PHKB: variants seen among roughly 807,000 people sequenced by gnomAD.
PHKB encodes phosphorylase b kinase regulatory subunit beta.
A neutral mutation model predicts 152.1 loss-of-function variants in PHKB; 122 were observed. The observed-to-expected ratio is 0.80, with a 90% CI of 0.69 to 0.93. The LOEUF (loss-of-function observed/expected upper bound fraction) is 0.93. PHKB is among the 40% of genes least tolerant of loss of function. PHKB has a pLI of 0.00. For synonymous variants in PHKB, 436 were observed against 464.9 expected (o/e 0.94, Z 0.80); for missense variants, 1,304 against 1,328.4 (o/e 0.98, Z 0.29).
At chr16:47,548,242 C>T (rs1408695718) in intron 7 of PHKB, 1 of 152,090 alleles carries the variant, frequency 6.6e-6, no homozygotes, top group East Asian at 1.9e-4. Context: ...CCATGTTGCA[C>T]TAAAAGATGT....
At chr16:47,584,765 G>C (rs920101889) in intron 8 of PHKB, among the ~76,000 whole-genome samples, 3 of 152,208 alleles carry the variant, frequency 2.0e-5, no homozygotes, top group African/African-American at 7.2e-5. Context: ...AGAATGTGAA[G>C]ATCATGTACG....
Position 47,650,816 on chromosome 16 carries a change from A to G in PHKB, c.1881-15A>G. 6.3e-7 allele frequency: 1 copy of G among 1,584,258 alleles called. No individual in the cohort carries two copies. The highest frequency in any genetic ancestry group is 8.7e-7 in the Non-Finnish European group (1 of 1,153,298). ...TGTTGTTAATCTGTACATTTTGTTT[A>G]TTTATATTTTTTAGAGGTAGCCGGT... On this transcript the variant is annotated splice_polypyrimidine_tract_variant and intron_variant, in intron 19 of 30. Coordinates refer to ENST00000323584, the MANE Select transcript of PHKB (RefSeq NM_000293.3).
At chr16:47,566,828 C>A in intron 7 of PHKB, 1 of 722,852 alleles carries the variant, frequency 1.4e-6, no homozygotes, top group East Asian at 2.6e-5. Flanking sequence ...TCCCTCCATC[C>A]TCAGCCAGAG....
intron 10 of PHKB, chr16:47,590,264 A>G (rs1044051776): frequency 8.0e-5 from 12 of 150,146 alleles, no homozygotes; most frequent in African/African-American, 2.2e-4. Flanking sequence ...TAGACAAGCT[A>G]TTTATCATTT....
rs769525884 is a variant in PHKB at position 47,588,975 on chromosome 16, G to C, written c.941G>C (p.Ser314Thr). The change falls in exon 10 of 31, where the codon AGC (serine) becomes ACC (threonine). Residue 314 changes from serine to threonine, a missense_variant. Ser to Thr is a moderately conservative substitution (Grantham distance 58). Transcript: ENST00000323584. ...GCCCTGGATGATGAAGTTCTTTTTA[G>C]CCAGACACTTGATAAAGTGGTTAGA... ...AFALDDEVLF[S>T]QTLDKVVRKL... is the part of the protein sequence containing the mutation. The C allele has an allele frequency of 1.2e-6, 2 of 1,613,916 alleles. No homozygotes were observed. The highest frequency in any genetic ancestry group is 4.5e-5 in the East Asian group (2 of 44,874).
chr16:47,530,332 C>T (rs1015182813), intron 6 of PHKB, among the ~76,000 whole-genome samples: 11 of 151,898 alleles, frequency 7.2e-5, no homozygotes, highest in Non-Finnish European at 1.5e-4. Context: ...GATGTGGTTT[C>T]GCCCACCCAG....
chr16:47,518,814 A>T (rs140654035), intron 6 of PHKB, among the ~76,000 whole-genome samples: 2 of 152,332 alleles, frequency 1.3e-5, no homozygotes, highest in African/African-American at 4.8e-5. Context: ...CTTTTGATAG[A>T]GATAACTTAT....
In PHKB at chr16:47,509,999, C is replaced by T. The variant is rs147594762; in HGVS notation, c.406-1666C>T. The stretch of plus-strand genomic sequence containing the variant: ...CTATAATAATTCCTTGGTGTCAATA[C>T]TTTGTTATAACAGCTCACAGAACTT... On this transcript the variant is annotated intron_variant, in intron 4 of 30. Transcript: ENST00000323584. Among the ~76,000 whole-genome samples the T allele has an allele frequency of 4.5e-4, 69 of 152,318 alleles. 1 individual carries two copies. In the East Asian group the frequency reaches 0.011, roughly 25 times the overall value.
At chr16:47,495,833 C>G (rs140373310) in intron 1 of PHKB, among the ~76,000 whole-genome samples, 1 of 152,118 alleles carries the variant, frequency 6.6e-6, no homozygotes, top group Non-Finnish European at 1.5e-5. Context: ...TAGGTCTCTC[C>G]GTTCCTCACT....
intron 13 of PHKB, among the ~76,000 whole-genome samples, chr16:47,602,334 T>TTA (rs1158102930): frequency 6.6e-6 from 1 of 152,136 alleles, no homozygotes; most frequent in African/African-American, 2.4e-5. Context: ...ATCCAAAGTG[T>TTA]TATATATATA....
At position 47,592,281 on chromosome 16, in the gene PHKB, A is replaced by G. The variant is rs562197379; in HGVS notation, c.1069-1219A>G. Among the ~76,000 whole-genome samples the G allele has an allele frequency of 1.1e-4, 17 of 152,294 alleles. No individual in the cohort carries two copies. The East Asian group carries it at 3.3e-3, about 29-fold the overall frequency. On this transcript the variant is annotated intron_variant, in intron 10 of 30. Coordinates refer to ENST00000323584, the MANE Select transcript of PHKB (RefSeq NM_000293.3). Reference sequence around the variant, plus strand: ...ATAATGAGTAAATTTGATCCTGCTGAGTATTCACCTGTGGTTCTCTTTTAT... The same window carrying G: ...ATAATGAGTAAATTTGATCCTGCTGGGTATTCACCTGTGGTTCTCTTTTAT...
intron 9 of PHKB, among the ~76,000 whole-genome samples, chr16:47,588,290 T>C (rs879048023): frequency 1.3e-5 from 2 of 150,804 alleles, no homozygotes; most frequent in Admixed American, 1.3e-4. Flanking sequence ...ATGTAAGTAA[T>C]GTAAGATTAT....
chr16:47,565,923 G>C (rs1971557043), intron 7 of PHKB: 1 of 1,050,292 alleles, frequency 9.5e-7, no homozygotes, highest in East Asian at 2.4e-5. Context: ...GGGTCTTTGT[G>C]GGGGACCTCT....
intron 26 of PHKB, among the ~76,000 whole-genome samples, chr16:47,680,378 G>A (rs906454476): frequency 2.0e-5 from 3 of 152,122 alleles, no homozygotes; most frequent in Non-Finnish European, 4.4e-5. Flanking sequence ...GGTAGAATTT[G>A]GCTGTGAATC....
intron 26 of PHKB, 139 bp from the exon 27 acceptor site, chr16:47,688,902 C>A: frequency 1.2e-6 from 1 of 863,882 alleles, no homozygotes; most frequent in Non-Finnish European, 2.0e-6. Context: ...GTAATTGTAT[C>A]AACGGTTCAG....
intron 14 of PHKB, among the ~76,000 whole-genome samples, chr16:47,632,419 T>C (rs963784517): frequency 1.3e-5 from 2 of 152,214 alleles, no homozygotes; most frequent in African/African-American, 4.8e-5. Flanking sequence ...GTGTTCTATG[T>C]GTTAATATAT....
intron 4 of PHKB, among the ~76,000 whole-genome samples, chr16:47,510,921 C>T (rs1970499472): frequency 6.6e-6 from 1 of 152,040 alleles, no homozygotes; most frequent in South Asian, 2.1e-4. Context: ...TCTCAGACTT[C>T]CAGGAATTAG....
At chr16:47,489,019 G>T (rs188495926) in intron 1 of PHKB, among the ~76,000 whole-genome samples, 1 of 152,072 alleles carries the variant, frequency 6.6e-6, no homozygotes, top group Non-Finnish European at 1.5e-5. Context: ...CATTGAATTT[G>T]TAAATTGCTT....
chr16:47,497,269 G>A (rs534074264), intron 1 of PHKB, 130 bp from the exon 2 acceptor site: 250 of 670,074 alleles, frequency 3.7e-4, no homozygotes, highest in Admixed American at 1.1e-3. Context: ...TTTACAAGTA[G>A]TAAAGTATGG....
Sources: gnomAD v4.1 joint callset for allele counts (sites outside exome capture counted in the v4.1 genomes callset) on GRCh38, gnomAD v4.1.1 for gene constraint, MANE v1.5 for transcripts, NCBI Gene and HGNC (gene_info 2026-07-23, HGNC 2026-07-21) for gene names.